ADGRD1: variants seen among roughly 807,000 people sequenced by gnomAD.
ADGRD1 encodes G-protein coupled receptor 133.
A neutral mutation model predicts 113.4 loss-of-function variants in ADGRD1; 77 were observed. The ratio of observed to expected loss-of-function variants is 0.68; its 90% CI spans 0.57 to 0.82. ADGRD1 has a LOEUF of 0.82. Ranked by LOEUF, ADGRD1 falls within the 40% of genes least tolerant of loss-of-function variation. The pLI, the probability that ADGRD1 is intolerant of heterozygous loss-of-function variation, is 0.00. For missense variants in ADGRD1, 1,036 were observed against 1,139.1 expected (o/e 0.91, Z 1.30); for synonymous variants, 474 against 475.0 (o/e 1.00, Z 0.03).
At position 130,987,228 on chromosome 12, in the gene ADGRD1, C is replaced by T. The variant is rs1372101413; in HGVS notation, c.624C>T (p.Leu208=). 13 of 1,614,074 alleles carry T rather than the reference C, an allele frequency of 8.1e-6. No individual in the cohort carries two copies. The Admixed American group carries it at 8.3e-5, about 10-fold the overall frequency. ...SRDYGESNVN[L]VIGSEQDQAK... is the part of the protein sequence containing the mutation. ...ACTATGGAGAGTCCAACGTCAACCT[C>T]GTGATAGGGTCTGAGCAGGACCAGG... The change falls in exon 6 of 25, where the codon CTC becomes CTT. Residue 208 remains leucine (L), a synonymous_variant. Coordinates refer to ENST00000261654, the MANE Select transcript of ADGRD1 (RefSeq NM_198827.5).
At chr12:131,137,810 G>GGGCCC in intron 23 of ADGRD1, 1 of 158,826 alleles carries the variant, frequency 6.3e-6, no homozygotes, top group Non-Finnish European at 1.4e-5. Flanking sequence ...AGCCATGGAA[G>GGGCCC]CCCGCCCGCC....
chr12:131,016,582 G>A (rs978579633), intron 13 of ADGRD1, among the ~76,000 whole-genome samples: 23 of 152,230 alleles, frequency 1.5e-4, no homozygotes, highest in African/African-American at 5.3e-4. Flanking sequence ...GCTGCCCCGC[G>A]GCGTGTCAAG....
At chr12:130,974,475 T>C (rs1872069733) in intron 4 of ADGRD1, among the ~76,000 whole-genome samples, 1 of 152,208 alleles carries the variant, frequency 6.6e-6, no homozygotes, top group East Asian at 1.9e-4. Flanking sequence ...TCAGATCTCA[T>C]AAAAATTGTG....
chr12:131,040,050 C>T (rs1443276465), intron 13 of ADGRD1, among the ~76,000 whole-genome samples: 1 of 152,216 alleles, frequency 6.6e-6, no homozygotes, highest in Non-Finnish European at 1.5e-5. Context: ...CCACCAGCGG[C>T]ACCCTCAGGC....
intron 13 of ADGRD1, chr12:131,026,270 G>A (rs1156854941): frequency 6.6e-6 from 1 of 152,244 alleles, no homozygotes; most frequent in Non-Finnish European, 1.5e-5. Flanking sequence ...AGGGCTGGGT[G>A]GCCTCATTAC....
intron 2 of ADGRD1, among the ~76,000 whole-genome samples, chr12:130,958,993 C>T (rs904452108): frequency 6.6e-6 from 1 of 152,196 alleles, no homozygotes; most frequent in African/African-American, 2.4e-5. Flanking sequence ...GCCCAAGAAG[C>T]TCACAGCGTG....
intron 20 of ADGRD1, among the ~76,000 whole-genome samples, chr12:131,128,251 T>G (rs1342538066): frequency 1.3e-5 from 2 of 149,266 alleles, no homozygotes. Context: ...TGAGCTCAGG[T>G]GGGGTGTTGG....
At chr12:131,104,241 C>T (rs1450417902) in intron 15 of ADGRD1, among the ~76,000 whole-genome samples, 1 of 151,674 alleles carries the variant, frequency 6.6e-6, no homozygotes, top group Non-Finnish European at 1.5e-5. Context: ...CAGGCGGGGG[C>T]GGTAGCCAGC....
chr12:131,038,184 G>A (rs1881740488), intron 13 of ADGRD1, among the ~76,000 whole-genome samples: 1 of 152,256 alleles, frequency 6.6e-6, no homozygotes, highest in Non-Finnish European at 1.5e-5. Flanking sequence ...GAGACGTGTG[G>A]GGACCATCAC....
At chr12:131,094,457 C>A (rs1425670948) in intron 15 of ADGRD1, among the ~76,000 whole-genome samples, 1 of 152,140 alleles carries the variant, frequency 6.6e-6, no homozygotes, top group Non-Finnish European at 1.5e-5. Context: ...GTGGGGGTAA[C>A]TGTGGAGGCT....
At chr12:131,004,407 C>CGGGCCGCCTGCGGTGCTCCCCA in intron 11 of ADGRD1, 111 bp downstream of exon 11, 1 of 828,546 alleles carries the variant, frequency 1.2e-6, no homozygotes, top group African/African-American at 1.7e-5. Context: ...GGTGCTCCCC[C>CGGGCCGCCTGCGGTGCTCCCCA]GGGCCGCCTG....
Position 131,003,278 on chromosome 12 carries a change from G to GT in ADGRD1, c.1121dup (p.Glu375GlyfsTer120), listed in dbSNP as rs1339831517. 6.2e-7 allele frequency: 1 copy of GT among 1,613,416 alleles called. No homozygotes were observed. Among genetic ancestry groups the GT allele is most frequent in the East Asian group, 2.2e-5 (1 of 44,880 alleles). On this transcript the variant is annotated frameshift_variant, in exon 10 of 25. Coordinates refer to ENST00000261654, the MANE Select transcript of ADGRD1 (RefSeq NM_198827.5). LOFTEE classifies it high-confidence loss of function. The surrounding 1 kb of genome is among the most constrained non-coding windows in gnomAD (Gnocchi z 4.8). ...GCACGGCAGCACGCCCCAGGTCACCGTGGAGGGCTCCTCTGCCATGGCAGG... is the reference window on the plus strand; with the variant it reads ...GCACGGCAGCACGCCCCAGGTCACCGTTGGAGGGCTCCTCTGCCATGGCAGG...
intron 14 of ADGRD1, among the ~76,000 whole-genome samples, chr12:131,081,594 G>A (rs1886074072): frequency 6.6e-6 from 1 of 152,120 alleles, no homozygotes; most frequent in African/African-American, 2.4e-5. Context: ...CCCGTTCTGT[G>A]TGCTGTTGTT....
rs1950301260 is a variant in ADGRD1, at chr12:131,109,353, T to C, written c.2041+476T>C. ...GTGTCGAAGTGAAAGTTGAGGTTACTGAGTTGAGATTTTCTTTTTTAATAT... is the reference window on the plus strand; with the variant it reads ...GTGTCGAAGTGAAAGTTGAGGTTACCGAGTTGAGATTTTCTTTTTTAATAT... On this transcript the variant is annotated intron_variant, in intron 18 of 24. Coordinates refer to ENST00000261654, the MANE Select transcript of ADGRD1 (RefSeq NM_198827.5). 2.0e-5 allele frequency among the ~76,000 whole-genome samples: 3 copies of C among 152,226 alleles called. No homozygotes were observed. The South Asian group carries it at 6.2e-4, about 31-fold the overall frequency.
chr12:130,969,238 A>C (rs1871343416), intron 3 of ADGRD1: 2 of 603,502 alleles, frequency 3.3e-6, no homozygotes, highest in East Asian at 5.7e-5. Flanking sequence ...AATAACCACT[A>C]GGGTTAAGTC....
At chr12:130,972,590 A>G (rs770149943) in intron 4 of ADGRD1, among the ~76,000 whole-genome samples, 25 of 152,172 alleles carry the variant, frequency 1.6e-4, no homozygotes, top group Non-Finnish European at 1.3e-4. Flanking sequence ...AAGCAGCTCC[A>G]TAAACATCCC....
At chr12:130,998,443 T>A (rs1875903024) in intron 8 of ADGRD1, among the ~76,000 whole-genome samples, 1 of 152,032 alleles carries the variant, frequency 6.6e-6, no homozygotes, top group Admixed American at 6.6e-5. Context: ...CAAGTTAGTT[T>A]CTTTCTTTTT....
intron 13 of ADGRD1, among the ~76,000 whole-genome samples, chr12:131,043,032 C>T (rs889176414): frequency 6.6e-6 from 1 of 152,262 alleles, no homozygotes; most frequent in Non-Finnish European, 1.5e-5. Flanking sequence ...AGCCTGGCCC[C>T]TGTGGGCAGG....
At chr12:131,081,671 T>A (rs1312896939) in intron 14 of ADGRD1, among the ~76,000 whole-genome samples, 1 of 152,210 alleles carries the variant, frequency 6.6e-6, no homozygotes, top group Non-Finnish European at 1.5e-5. Flanking sequence ...TTCCCCCGGA[T>A]AATGAGTTAT....
Sources: allele counts gnomAD v4.1 joint callset (sites outside exome capture counted in the v4.1 genomes callset), GRCh38; gene constraint gnomAD v4.1.1; non-coding constraint Gnocchi (gnomAD v3.1); transcripts MANE v1.5; gene names NCBI Gene and HGNC (gene_info 2026-07-23, HGNC 2026-07-21).